CCDC60: variants seen among roughly 807,000 people sequenced by gnomAD.
The protein encoded by CCDC60 is coiled-coil domain-containing protein 60.
CCDC60 carries 54 observed loss-of-function variants against 63.5 expected under a neutral mutation model. The observed-to-expected ratio is 0.85, with a 90% CI of 0.68 to 1.07. The LOEUF is 1.07. Among genes scored for constraint, CCDC60 ranks in the 50% least tolerant of loss-of-function variants. CCDC60 has a pLI of 0.00. For missense variants in CCDC60, 651 were observed against 684.3 expected, an observed-to-expected ratio of 0.95 and a Z score of 0.54; for synonymous variants, 206 against 238.8, an observed-to-expected ratio of 0.86 and a Z score of 1.27.
Position 119,523,603 on chromosome 12 carries a change from T to C in CCDC60, c.1104-90T>C. 5 of 1,572,048 alleles carry C rather than the reference T, an allele frequency of 3.2e-6. No homozygotes were observed. In the South Asian group the frequency reaches 4.7e-5, roughly 15 times the overall value. ...CAGGGAGTCCCCCATGCAGAGCACC[T>C]TGGGGCTAAGGGGGGCCAGAGTGGG... On this transcript the variant is annotated intron_variant, in intron 10 of 13. Coordinates refer to ENST00000327554, the MANE Select transcript of CCDC60 (RefSeq NM_178499.5).
At chr12:119,415,331 G>A (rs943636147) in intron 1 of CCDC60, among the ~76,000 whole-genome samples, 3 of 152,218 alleles carry the variant, frequency 2.0e-5, no homozygotes, top group African/African-American at 4.8e-5. Flanking sequence ...AGGGCAGCAG[G>A]TGCAAAGACC....
intron 1 of CCDC60, among the ~76,000 whole-genome samples, chr12:119,347,320 T>C (rs1955607827): frequency 6.6e-6 from 1 of 152,116 alleles, no homozygotes; most frequent in Non-Finnish European, 1.5e-5. Context: ...ATGTTGATAA[T>C]CGTAAACAGC....
chr12:119,425,120 A>G (rs1956879068), intron 1 of CCDC60, among the ~76,000 whole-genome samples: 1 of 152,220 alleles, frequency 6.6e-6, no homozygotes, highest in African/African-American at 2.4e-5. Flanking sequence ...GTGGCATAAA[A>G]CAGGGTTTCA....
chr12:119,361,100 C>T (rs916062483), intron 1 of CCDC60, among the ~76,000 whole-genome samples: 17 of 147,454 alleles, frequency 1.2e-4, no homozygotes, highest in Admixed American at 8.2e-4. Context: ...AGTCCAGCTT[C>T]GGCTTGGCAT....
chr12:119,396,612 G>A (rs999305312), intron 1 of CCDC60, among the ~76,000 whole-genome samples: 10 of 152,178 alleles, frequency 6.6e-5, no homozygotes, highest in African/African-American at 2.4e-4. Flanking sequence ...AGACACAGGA[G>A]CCAATACCTG....
intron 6 of CCDC60, among the ~76,000 whole-genome samples, chr12:119,504,675 C>A (rs529893231): frequency 1.3e-5 from 2 of 152,284 alleles, no homozygotes; most frequent in South Asian, 4.2e-4. Flanking sequence ...AAAAATTAGA[C>A]CCATCCTCAT....
chr12:119,358,813 A>G (rs1335621240), intron 1 of CCDC60, among the ~76,000 whole-genome samples: 17 of 152,222 alleles, frequency 1.1e-4, no homozygotes, highest in Non-Finnish European at 2.5e-4. Context: ...TACAATATGA[A>G]TGTACCACAA....
intron 12 of CCDC60, among the ~76,000 whole-genome samples, chr12:119,529,726 A>G (rs1047841441): frequency 4.6e-5 from 7 of 152,062 alleles, no homozygotes; most frequent in Non-Finnish European, 4.4e-5. Flanking sequence ...CCTCTTACGA[A>G]AGGGAGAAAA....
intron 2 of CCDC60, among the ~76,000 whole-genome samples, chr12:119,455,720 T>G (rs1950716560): frequency 7.0e-6 from 1 of 143,414 alleles, no homozygotes; most frequent in Non-Finnish European, 1.5e-5. Flanking sequence ...AGAGCAAGAC[T>G]CTGTCTCTGA....
intron 1 of CCDC60, among the ~76,000 whole-genome samples, chr12:119,403,645 C>T (rs1370461537): frequency 1.3e-5 from 2 of 152,096 alleles, no homozygotes; most frequent in African/African-American, 4.8e-5. Flanking sequence ...ATCCCAGCTG[C>T]TGTCACGATC....
chr12:119,431,870 G>A (rs180877598), intron 2 of CCDC60, among the ~76,000 whole-genome samples: 94 of 152,142 alleles, frequency 6.2e-4, no homozygotes, highest in Middle Eastern at 6.8e-3. Context: ...TAGTAGAGAC[G>A]GAGTTTCACC....
At chr12:119,508,891 C>A (rs999062390) in intron 7 of CCDC60, among the ~76,000 whole-genome samples, 1 of 151,938 alleles carries the variant, frequency 6.6e-6, no homozygotes, top group Non-Finnish European at 1.5e-5. Flanking sequence ...AGAGCGATAG[C>A]CCAGCTTCAA....
chr12:119,479,352 T>TA, intron 4 of CCDC60, 151 bp downstream of exon 4: 1 of 600,958 alleles, frequency 1.7e-6, no homozygotes, highest in Non-Finnish European at 3.0e-6. Context: ...ATTTGGCATA[T>TA]AAAAATAACA....
At chr12:119,505,872 T>A (rs945353406) in intron 7 of CCDC60, among the ~76,000 whole-genome samples, 18 of 152,216 alleles carry the variant, frequency 1.2e-4, no homozygotes, top group Non-Finnish European at 1.9e-4. Flanking sequence ...AGCATTTTTT[T>A]AAATTTAGCC....
At chr12:119,454,293 A>G (rs1950686538) in intron 2 of CCDC60, among the ~76,000 whole-genome samples, 1 of 152,220 alleles carries the variant, frequency 6.6e-6, no homozygotes, top group Non-Finnish European at 1.5e-5. Flanking sequence ...AAATGGGGAT[A>G]ATAGTACTTA....
At chr12:119,539,937 G>A (rs1425696240) in intron 13 of CCDC60, among the ~76,000 whole-genome samples, 1 of 152,164 alleles carries the variant, frequency 6.6e-6, no homozygotes, top group Non-Finnish European at 1.5e-5. Context: ...CTAGGGGAGA[G>A]AATTATCTGA....
At position 119,505,239 on chromosome 12, in the gene CCDC60, C is replaced by G; in HGVS notation, c.819C>G (p.Ser273Arg). Reference sequence around the variant, plus strand: ...CAAGTGTGAACACCCAGGTGACCAGCAGCAAGGACATTGAGGACAATGAGT... The same window carrying G: ...CAAGTGTGAACACCCAGGTGACCAGGAGCAAGGACATTGAGGACAATGAGT... Reference protein sequence around the residue: ...EPPSVNTQVTSSKDIEDNESS... With the variant: ...EPPSVNTQVTRSKDIEDNESS... Residue 273 changes from serine (S) to arginine (R), a missense_variant, in exon 7 of 14, where the codon AGC becomes AGG. Transcript: ENST00000327554. 1.9e-6 allele frequency: 3 copies of G among 1,613,734 alleles called. No individual in the cohort carries two copies. In the South Asian group the frequency reaches 3.3e-5, roughly 18 times the overall value.
At chr12:119,417,585 A>G (rs1264704855) in intron 1 of CCDC60, among the ~76,000 whole-genome samples, 1 of 152,068 alleles carries the variant, frequency 6.6e-6, no homozygotes, top group East Asian at 1.9e-4. Context: ...CCCCCTAGTT[A>G]TTTAACTAGT....
chr12:119,375,568 C>G (rs1378139176), intron 1 of CCDC60, among the ~76,000 whole-genome samples: 3 of 152,150 alleles, frequency 2.0e-5, no homozygotes, highest in Non-Finnish European at 4.4e-5. Context: ...TGAGCCCCTC[C>G]CCCCAACTGT....
Sources: gnomAD v4.1 joint callset for allele counts (sites outside exome capture counted in the v4.1 genomes callset) on GRCh38, gnomAD v4.1.1 for gene constraint, MANE v1.5 for transcripts, NCBI Gene and HGNC (gene_info 2026-07-23, HGNC 2026-07-21) for gene names.